Variants in WDR49 observed in about 807,000 individuals in gnomAD.
The protein encoded by WDR49 is WD repeat domain 49.
In WDR49, 107 loss-of-function variants were observed where a neutral mutation model predicts 119.5. That is an observed-to-expected ratio of 0.90 (90% CI 0.77 to 1.05). WDR49 has a LOEUF of 1.05. Ranked by LOEUF, WDR49 falls within the 50% of genes least tolerant of loss-of-function variation. The pLI, the probability that WDR49 is intolerant of heterozygous loss-of-function variation, is 0.00. For missense variants in WDR49, 1,240 were observed against 1,220.5 expected (o/e 1.02, Z -0.24); for synonymous variants, 425 against 418.8 (o/e 1.01, Z -0.18).
chr3:167,482,171 A>G (rs527909328), intron 18 of WDR49, among the ~76,000 whole-genome samples: 1 of 152,228 alleles, frequency 6.6e-6, no homozygotes, highest in Non-Finnish European at 1.5e-5. Context: ...GGAGAAAAGT[A>G]TCTTGCATTA....
At chr3:167,550,624 A>G (rs1368518058) in intron 10 of WDR49, among the ~76,000 whole-genome samples, 1 of 151,992 alleles carries the variant, frequency 6.6e-6, no homozygotes, top group African/African-American at 2.4e-5. Context: ...AGATGTATAC[A>G]AATATCAAGA....
At chr3:167,635,471 G>T (rs1411648774) in intron 2 of WDR49, among the ~76,000 whole-genome samples, 1 of 151,614 alleles carries the variant, frequency 6.6e-6, no homozygotes, top group Non-Finnish European at 1.5e-5. Context: ...TTCAAAATCT[G>T]CCAACCCTTA....
chr3:167,537,006 A>G lies in WDR49; in HGVS notation c.1824-6T>C. 6.4e-7 allele frequency: 1 copy of G among 1,571,338 alleles called. No homozygotes were observed. The highest frequency in any genetic ancestry group is 8.6e-7 in the Non-Finnish European group (1 of 1,161,190). On this transcript the variant is annotated splice_polypyrimidine_tract_variant and splice_region_variant and intron_variant, in intron 10 of 18. Coordinates refer to ENST00000682715, the MANE Select transcript of WDR49 (RefSeq NM_001366157.1). ...GTCGAAACACAGTAATAGCCCTAGC[A>G]AAAAGGATATAGAATTTAGCTGTGG...
At chr3:167,599,839 T>C (rs758010905) in intron 7 of WDR49, among the ~76,000 whole-genome samples, 19 of 152,138 alleles carry the variant, frequency 1.2e-4, no homozygotes, top group Non-Finnish European at 2.5e-4. Flanking sequence ...CAGATAGTAA[T>C]ATTCCATGTC....
intron 8 of WDR49, among the ~76,000 whole-genome samples, chr3:167,571,016 C>A (rs1396636113): frequency 6.9e-6 from 1 of 144,328 alleles, no homozygotes; most frequent in African/African-American, 2.7e-5. Context: ...CAGAGAGAGA[C>A]TCCATCTCAA....
At chr3:167,528,191 A>G (rs1752705088) in intron 14 of WDR49, among the ~76,000 whole-genome samples, 174 bp from the exon 15 acceptor site, 1 of 152,102 alleles carries the variant, frequency 6.6e-6, no homozygotes. Context: ...CATTAAAAAA[A>G]GGTTTCTAAC....
At chr3:167,529,416 C>T (rs548819136) in intron 13 of WDR49, among the ~76,000 whole-genome samples, 177 bp from the exon 14 acceptor site, 1 of 152,040 alleles carries the variant, frequency 6.6e-6, no homozygotes, top group Non-Finnish European at 1.5e-5. Flanking sequence ...GCTATGATAA[C>T]CTCACTGGTT....
chr3:167,581,987 T>C (rs114347770), intron 7 of WDR49, among the ~76,000 whole-genome samples: 2,563 of 151,904 alleles, frequency 0.017, 48 homozygotes, highest in East Asian at 0.091. Context: ...TAGAGATAGA[T>C]ATAAAATAAC....
intron 7 of WDR49, among the ~76,000 whole-genome samples, chr3:167,593,599 G>A (rs1715251496): frequency 6.6e-6 from 1 of 152,040 alleles, no homozygotes; most frequent in Admixed American, 6.6e-5. Context: ...TCTCCAGGAT[G>A]TGTTATTGTG....
At chr3:167,513,829 G>A (rs1752084413) in intron 16 of WDR49, among the ~76,000 whole-genome samples, 1 of 152,090 alleles carries the variant, frequency 6.6e-6, no homozygotes, top group African/African-American at 2.4e-5. Context: ...TGACAAAACA[G>A]ACTTTAAACT....
At chr3:167,628,662 A>T (rs752976185) in intron 2 of WDR49, among the ~76,000 whole-genome samples, 187 of 152,164 alleles carry the variant, frequency 1.2e-3, no homozygotes, top group Non-Finnish European at 2.0e-3. Context: ...TCCACAACAT[A>T]AAAGTGCAAC....
At chr3:167,593,645 T>C (rs913183400) in intron 7 of WDR49, among the ~76,000 whole-genome samples, 1 of 152,120 alleles carries the variant, frequency 6.6e-6, no homozygotes, top group African/African-American at 2.4e-5. Flanking sequence ...CATGTTTTCC[T>C]GGATGGTGTT....
At chr3:167,491,907 A>G (rs964787211) in intron 18 of WDR49, among the ~76,000 whole-genome samples, 4 of 152,196 alleles carry the variant, frequency 2.6e-5, no homozygotes, top group Admixed American at 6.5e-5. Context: ...AAAACCCAGC[A>G]GGTATGGCTA....
chr3:167,493,439 C>T (rs1310374697), intron 18 of WDR49, among the ~76,000 whole-genome samples: 1 of 152,180 alleles, frequency 6.6e-6, no homozygotes, highest in Non-Finnish European at 1.5e-5. Flanking sequence ...CAGCACCTCC[C>T]TGTGGATAGT....
chr3:167,612,366 T>C (rs1228913566), intron 5 of WDR49, among the ~76,000 whole-genome samples: 1 of 147,668 alleles, frequency 6.8e-6, no homozygotes, highest in African/African-American at 2.5e-5. Context: ...AGTGCCTTCA[T>C]CAAAAAAAAA....
intron 4 of WDR49, 146 bp downstream of exon 4, chr3:167,621,321 T>C (rs1286320098): frequency 1.2e-6 from 1 of 829,104 alleles, no homozygotes; most frequent in African/African-American, 1.8e-5. Flanking sequence ...AATTGTGACC[T>C]AATCCATCTC....
intron 18 of WDR49, among the ~76,000 whole-genome samples, chr3:167,492,179 C>T (rs1478736534): frequency 6.8e-6 from 1 of 148,016 alleles, no homozygotes; most frequent in Non-Finnish European, 1.5e-5. Flanking sequence ...TTTATAATAA[C>T]AATTTTTAAA....
intron 7 of WDR49, among the ~76,000 whole-genome samples, chr3:167,594,742 C>A (rs562606773): frequency 2.4e-4 from 37 of 151,640 alleles, no homozygotes; most frequent in Admixed American, 6.6e-4. Context: ...CTATCTATGA[C>A]AAACCCACAG....
chr3:167,512,032 G>T (rs1484436148), intron 16 of WDR49, among the ~76,000 whole-genome samples: 2 of 152,162 alleles, frequency 1.3e-5, no homozygotes, highest in Non-Finnish European at 2.9e-5. Flanking sequence ...CCTTCTGCTG[G>T]CTCTGAGGAA....
Sources: allele counts gnomAD v4.1 joint callset (sites outside exome capture counted in the v4.1 genomes callset), GRCh38; gene constraint gnomAD v4.1.1; transcripts MANE v1.5; gene names NCBI Gene and HGNC (gene_info 2026-07-23, HGNC 2026-07-21).